The following SLC17A9 variants were observed in gnomAD, a reference collection of about 807,000 sequenced individuals.
The protein encoded by SLC17A9 is solute carrier family 17 member 9.
Under a neutral mutation model 55.0 loss-of-function variants are expected in SLC17A9, and 49 were observed. The ratio of observed to expected loss-of-function variants is 0.89; its 90% confidence interval spans 0.71 to 1.13. The LOEUF is 1.13. Among genes scored for constraint, SLC17A9 ranks in the 50% most tolerant of loss-of-function variants. The pLI, the probability that SLC17A9 is intolerant of heterozygous loss-of-function variation, is 0.00. For missense variants in SLC17A9, 526 were observed against 569.3 expected (o/e 0.92, Z 0.77); for synonymous variants, 256 against 247.4 (o/e 1.03, Z -0.32).
At chr20:62,964,978 GCA>G (rs1462524868) in intron 8 of SLC17A9, 152 bp from the exon 9 acceptor site, 2 of 802,786 alleles carry the variant, frequency 2.5e-6, no homozygotes, top group Admixed American at 2.2e-5. Flanking sequence ...ATGCGTGTGT[GCA>G]CACGTTTTTG....
At chr20:62,963,127 C>A in intron 5 of SLC17A9, 146 bp from the exon 6 acceptor site, 1 of 816,658 alleles carries the variant, frequency 1.2e-6, no homozygotes, top group Non-Finnish European at 2.0e-6. Flanking sequence ...TAGGGGAGGC[C>A]AAGGGAGGCT....
intron 10 of SLC17A9, among the ~76,000 whole-genome samples, chr20:62,966,064 G>A (rs2065636122): frequency 6.9e-6 from 1 of 145,588 alleles, no homozygotes. Context: ...TGGCCAGTGG[G>A]TGGTTGGGGC....
At chr20:62,967,244 G>A (rs1601101315) in intron 12 of SLC17A9, 93 bp from the exon 13 acceptor site, 2 of 1,484,864 alleles carry the variant, frequency 1.3e-6, no homozygotes, top group Non-Finnish European at 1.8e-6. Context: ...TAGACCCCCA[G>A]CCCTTCCCCT....
chr20:62,957,423 C>G lies in SLC17A9; in HGVS notation c.258-18C>G. On this transcript the variant is annotated intron_variant, in intron 2 of 12. Coordinates refer to ENST00000370351, the MANE Select transcript of SLC17A9 (RefSeq NM_022082.4). ...TCCTGCACAGCCACATCCTCACCTC[C>G]CTCTGTCTTCCCTCCAGGATTGGGG... The G allele has an allele frequency of 6.4e-7, 1 of 1,561,388 alleles. No individual in the cohort carries two copies. The highest frequency in any genetic ancestry group is 8.7e-7 in the Non-Finnish European group (1 of 1,155,066).
intron 1 of SLC17A9, 55 bp downstream of exon 1, chr20:62,952,944 G>A: frequency 2.1e-6 from 3 of 1,431,754 alleles, no homozygotes; most frequent in Non-Finnish European, 9.3e-7. Flanking sequence ...GGGCCGTGGG[G>A]AGGGAGCTGA....
chr20:62,962,815 G>T lies in SLC17A9; in HGVS notation c.628+61G>T, dbSNP rs1397065803. On this transcript the variant is annotated intron_variant, in intron 5 of 12. Coordinates refer to ENST00000370351, the MANE Select transcript of SLC17A9 (RefSeq NM_022082.4). This position sits in a 1 kb window ranked among gnomAD's most constrained non-coding sequence, Gnocchi z 5.5. ...ACAGCTGCCCAGTGCCTCCTCCCCT[G>T]GTGGCAGCCGCTGAGCAGCCTGGAG... 2 of 1,596,496 alleles carry T rather than the reference G, an allele frequency of 1.3e-6. No homozygotes were observed. The highest frequency in any genetic ancestry group is 1.3e-5 in the African/African-American group (1 of 74,544).
chr20:62,957,995 CGTAT>C (rs1485667375), intron 3 of SLC17A9, among the ~76,000 whole-genome samples: 1 of 152,080 alleles, frequency 6.6e-6, no homozygotes, highest in Admixed American at 6.5e-5. Flanking sequence ...CGTGTGCGTA[CGTAT>C]GTGTGCATGC....
intron 1 of SLC17A9, among the ~76,000 whole-genome samples, chr20:62,955,323 T>C (rs1165070884): frequency 6.6e-6 from 1 of 152,070 alleles, no homozygotes; most frequent in African/African-American, 2.4e-5. Flanking sequence ...AATTTTTACA[T>C]TTTTAGTAGA....
chr20:62,956,305 C>T (rs968721659), intron 1 of SLC17A9, among the ~76,000 whole-genome samples: 1 of 152,208 alleles, frequency 6.6e-6, no homozygotes, highest in African/African-American at 2.4e-5. Context: ...TCCACTCACT[C>T]ATCTGGGGCA....
rs777002593 is a variant in SLC17A9 at position 62,966,763 on chromosome 20, C to A, written c.1147+31C>A. On this transcript the variant is annotated intron_variant, in intron 12 of 12. Coordinates refer to ENST00000370351, the MANE Select transcript of SLC17A9 (RefSeq NM_022082.4). ...GGGCGGGCCTCTGTGCCCAGGAGTT[C>A]CCCTGTCTGTGGGGTTTGAGGCCAC... The A allele has an allele frequency of 1.9e-6, 3 of 1,598,380 alleles. No homozygotes were observed. In the Admixed American group the frequency reaches 5.4e-5, roughly 29 times the overall value.
At chr20:62,963,078 C>T (rs546831077) in intron 5 of SLC17A9, 195 bp from the exon 6 acceptor site, 177 of 666,626 alleles carry the variant, frequency 2.7e-4, no homozygotes, top group Admixed American at 2.1e-3. Context: ...TCGTTCAGAA[C>T]GCGGTTCTCA....
intron 3 of SLC17A9, 88 bp from the exon 4 acceptor site, chr20:62,960,416 T>C (rs933670353): frequency 4.2e-5 from 53 of 1,276,602 alleles, no homozygotes; most frequent in African/African-American, 1.3e-4. Flanking sequence ...GTGGACGTCC[T>C]CTGGAATCAC....
At chr20:62,957,292 C>T (rs76811940) in intron 2 of SLC17A9, 149 bp from the exon 3 acceptor site, 11 of 1,468,890 alleles carry the variant, frequency 7.5e-6, no homozygotes, top group Admixed American at 2.6e-5. Flanking sequence ...GGTCTCCTCA[C>T]GAGGCAGCTC....
rs943413895 is a variant in SLC17A9, at chr20:62,958,493, C to G, written c.397+913C>G. 6.6e-6 allele frequency among the ~76,000 whole-genome samples: 1 copy of G among 152,078 alleles called. No individual in the cohort carries two copies. The highest frequency in any genetic ancestry group is 1.5e-5 in the Non-Finnish European group (1 of 67,970). ...CCTGGAGAAACAGCCAGGCCTCCAGCCTGCAGGGGCCTGCTGGCCCCAACC... is the reference window on the plus strand; with the variant it reads ...CCTGGAGAAACAGCCAGGCCTCCAGGCTGCAGGGGCCTGCTGGCCCCAACC... On this transcript the variant is annotated intron_variant, in intron 3 of 12. Coordinates refer to ENST00000370351, the MANE Select transcript of SLC17A9 (RefSeq NM_022082.4). This position sits in a 1 kb window ranked among gnomAD's most constrained non-coding sequence, Gnocchi z 4.1.
rs1491181896 is a variant in SLC17A9, at chr20:62,962,612, C to CT, written c.498-11dup. On this transcript the variant is annotated splice_polypyrimidine_tract_variant and intron_variant, in intron 4 of 12. Coordinates refer to ENST00000370351, the MANE Select transcript of SLC17A9 (RefSeq NM_022082.4). The surrounding 1 kb of genome is among the most constrained non-coding windows in gnomAD (Gnocchi z 5.5). ...GCTGAGGGGCCTGGCCACACTCCCC[C>CT]TGTCTTTGCAGGACGCTGCTGACCG... 1 of 1,613,232 alleles carries CT rather than the reference C, an allele frequency of 6.2e-7. No individual in the cohort carries two copies. Among genetic ancestry groups the CT allele is most frequent in the African/African-American group, 1.3e-5 (1 of 75,052 alleles).
rs1374559938 is a variant in SLC17A9, at chr20:62,958,756, C to T, written c.397+1176C>T. The stretch of plus-strand genomic sequence containing the variant: ...CTCCTCCCTCTCCACACCCTCACTC[C>T]CCAAGGTTATGGCCTGGAAGGTGCT... On this transcript the variant is annotated intron_variant, in intron 3 of 12. Coordinates refer to ENST00000370351, the MANE Select transcript of SLC17A9 (RefSeq NM_022082.4). The surrounding 1 kb of genome is among the most constrained non-coding windows in gnomAD (Gnocchi z 4.1). Among the ~76,000 whole-genome samples the T allele has an allele frequency of 1.3e-5, 2 of 152,214 alleles. No individual in the cohort carries two copies. The highest frequency in any genetic ancestry group is 1.9e-4 in the East Asian group (1 of 5,200).
At position 62,965,629 on chromosome 20, in the gene SLC17A9, C is replaced by A. The variant is rs777141057; in HGVS notation, c.965C>A (p.Ser322Tyr). The A allele has an allele frequency of 6.2e-7, 1 of 1,613,516 alleles. No individual in the cohort carries two copies. The highest frequency in any genetic ancestry group is 1.7e-4 in the Middle Eastern group (1 of 6,004). The change falls in exon 10 of 13, where the codon TCC (serine) becomes TAC (tyrosine). Residue 322 changes from serine (S) to tyrosine (Y), a missense_variant. Physicochemically the swap from Ser to Tyr is moderately radical, Grantham distance 144. Coordinates refer to ENST00000370351, the MANE Select transcript of SLC17A9 (RefSeq NM_022082.4). ...CTGCAGGGCATGGGCCTTGGCCTCT[C>A]CAGCGTCTTTGCTCTGTGCCTGGGC... ...KLMQGMGLGLSSVFALCLGHT... is the reference protein window; with the variant it reads ...KLMQGMGLGLYSVFALCLGHT...
At chr20:62,957,798 T>TGC (rs368445530) in intron 3 of SLC17A9, among the ~76,000 whole-genome samples, 5,205 of 123,370 alleles carry the variant, frequency 0.042, 249 homozygotes, top group Non-Finnish European at 0.062. Flanking sequence ...TGTGTGTGTG[T>TGC]GCGTGTGCAA....
intron 8 of SLC17A9, 101 bp downstream of exon 8, chr20:62,964,416 C>G (rs41308102): frequency 0.031 from 36,601 of 1,195,342 alleles, 767 homozygotes; most frequent in African/African-American, 0.063. Context: ...CTTCAGCACA[C>G]GGAGAGCTGG....
Sources: allele counts gnomAD v4.1 joint callset (sites outside exome capture counted in the v4.1 genomes callset), GRCh38; gene constraint gnomAD v4.1.1; non-coding constraint Gnocchi (gnomAD v3.1); transcripts MANE v1.5; gene names NCBI Gene and HGNC (gene_info 2026-07-23, HGNC 2026-07-21).